AKT3: variants seen among roughly 807,000 people sequenced by gnomAD.
AKT3 encodes RAC-gamma serine/threonine-protein kinase.
A neutral mutation model predicts 65.3 loss-of-function variants in AKT3; 15 were observed. The observed-to-expected ratio is 0.23, with a 90% CI of 0.15 to 0.35. AKT3 has a LOEUF of 0.35. AKT3 is among the 10% of genes least tolerant of loss of function. AKT3 has a pLI of 1.00. For missense variants in AKT3, 243 were observed against 576.5 expected, an observed-to-expected ratio of 0.42 and a Z score of 5.92; for synonymous variants, 206 against 183.8, an observed-to-expected ratio of 1.12 and a Z score of -0.98.
At chr1:243,625,922 C>G (rs963401596) in intron 6 of AKT3, among the ~76,000 whole-genome samples, 1 of 152,140 alleles carries the variant, frequency 6.6e-6, no homozygotes, top group Non-Finnish European at 1.5e-5. Flanking sequence ...GTAAAAGCCA[C>G]TGTAAAATTT....
At chr1:243,818,602 CTT>C (rs1156686186) in intron 2 of AKT3, among the ~76,000 whole-genome samples, 8 of 152,064 alleles carry the variant, frequency 5.3e-5, no homozygotes, top group African/African-American at 1.7e-4. Flanking sequence ...GGTAAGAAAA[CTT>C]AACATAAAGT....
intron 4 of AKT3, among the ~76,000 whole-genome samples, chr1:243,662,000 A>T (rs1160366510): frequency 2.7e-5 from 4 of 146,706 alleles, no homozygotes; most frequent in Admixed American, 1.4e-4. Context: ...TCAAAACCAC[A>T]ATGAGATACC....
At chr1:243,591,231 C>A (rs1166625269) in intron 8 of AKT3, among the ~76,000 whole-genome samples, 1 of 152,126 alleles carries the variant, frequency 6.6e-6, no homozygotes, top group Non-Finnish European at 1.5e-5. Flanking sequence ...GAAACAATCA[C>A]CAGGCTAACA....
upstream of AKT3, among the ~76,000 whole-genome samples, chr1:243,850,552 G>GC (rs1170887026): frequency 7.7e-5 from 11 of 143,596 alleles, no homozygotes; most frequent in East Asian, 1.2e-3. Flanking sequence ...CCGCCTCCCC[G>GC]CCCCCTCCTT....
downstream of AKT3, among the ~76,000 whole-genome samples, chr1:243,498,506 G>GC (rs1284382609): frequency 3.3e-5 from 5 of 152,178 alleles, no homozygotes; most frequent in East Asian, 1.9e-4. Context: ...CTGAGGCCAG[G>GC]CCCCCCACCT....
intron 9 of AKT3, among the ~76,000 whole-genome samples, chr1:243,566,972 T>C (rs139741530): frequency 6.6e-6 from 1 of 152,260 alleles, no homozygotes; most frequent in Non-Finnish European, 1.5e-5. Context: ...CAATATGCAA[T>C]AATTTATTTT....
At chr1:243,645,679 C>A (rs1281404015) in intron 5 of AKT3, among the ~76,000 whole-genome samples, 1 of 152,222 alleles carries the variant, frequency 6.6e-6, no homozygotes, top group Non-Finnish European at 1.5e-5. Flanking sequence ...TGAGCCCTAT[C>A]AGCATTCAGT....
intron 5 of AKT3, among the ~76,000 whole-genome samples, chr1:243,644,892 C>T (rs907950929): frequency 4.6e-5 from 7 of 151,802 alleles, no homozygotes; most frequent in Admixed American, 3.3e-4. Context: ...ATTAAATTGA[C>T]GTAAAAGAAA....
At chr1:243,849,724 C>A (rs1040685732) in intron 1 of AKT3, among the ~76,000 whole-genome samples, 1 of 151,478 alleles carries the variant, frequency 6.6e-6, no homozygotes, top group Non-Finnish European at 1.5e-5. Context: ...CAGACACAGA[C>A]GGTACCGCTA....
In AKT3 at chr1:243,500,562, A is replaced by G. The variant is rs1669181865; in HGVS notation, c.*4687T>C. On this transcript the variant is annotated 3_prime_UTR_variant, in exon 14 of 14. Coordinates refer to ENST00000673466, the MANE Select transcript of AKT3 (RefSeq NM_005465.7). ...ACACAATTAAGCCCTCAAATGCTTTAAAGTAATAAAAACGGACACTGGACA... is the reference window on the plus strand; with the variant it reads ...ACACAATTAAGCCCTCAAATGCTTTGAAGTAATAAAAACGGACACTGGACA... 4.4e-6 allele frequency: 1 copy of G among 228,012 alleles called. No individual in the cohort carries two copies. Among genetic ancestry groups the G allele is most frequent in the Non-Finnish European group, 8.7e-6 (1 of 114,872 alleles). 14.1% of individuals were successfully genotyped at this position (228,012 alleles called of 1,614,324 possible). A position where few individuals can be genotyped will look rare whatever the true frequency, so the allele number is the denominator to read the frequency against.
chr1:243,517,878 A>G lies in AKT3; in HGVS notation c.1252-5452T>C, dbSNP rs140373965. ...CTCCTCTGGAACTTTGTGTTGCACTAATGTGATATTCCCAACTCCTAAAAC... is the reference window on the plus strand; with the variant it reads ...CTCCTCTGGAACTTTGTGTTGCACTGATGTGATATTCCCAACTCCTAAAAC... On this transcript the variant is annotated intron_variant, in intron 12 of 13. Transcript: ENST00000673466. Among the ~76,000 whole-genome samples, 533 of 152,328 alleles carry G rather than the reference A, an allele frequency of 3.5e-3. 1 individual carries two copies. The highest frequency in any genetic ancestry group is 0.012 in the African/African-American group (515 of 41,574).
intron 2 of AKT3, among the ~76,000 whole-genome samples, chr1:243,697,606 T>C (rs1319558748): frequency 2.6e-5 from 4 of 152,116 alleles, no homozygotes; most frequent in East Asian, 1.9e-4. Context: ...TATAACATTA[T>C]GCATTGGTCA....
intron 2 of AKT3, among the ~76,000 whole-genome samples, chr1:243,745,822 G>C (rs957604643): frequency 1.3e-5 from 2 of 152,254 alleles, no homozygotes; most frequent in African/African-American, 4.8e-5. Context: ...TAGGAATGGA[G>C]GTTTTATTAT....
At chr1:243,740,350 T>C (rs946548831) in intron 2 of AKT3, among the ~76,000 whole-genome samples, 2 of 152,144 alleles carry the variant, frequency 1.3e-5, no homozygotes, top group Non-Finnish European at 2.9e-5. Flanking sequence ...GAGAGCTCAT[T>C]AGTATTATTT....
At chr1:243,842,917 C>A (rs1474526571) in intron 2 of AKT3, among the ~76,000 whole-genome samples, 1 of 152,082 alleles carries the variant, frequency 6.6e-6, no homozygotes. Flanking sequence ...CCTAACTTAA[C>A]TAGATTATAA....
At chr1:243,843,801 G>A (rs1365654624) in intron 1 of AKT3, among the ~76,000 whole-genome samples, 7 of 151,552 alleles carry the variant, frequency 4.6e-5, no homozygotes, top group Non-Finnish European at 7.4e-5. Context: ...ACAGGTGTGC[G>A]CCACCACGCC....
intron 2 of AKT3, among the ~76,000 whole-genome samples, chr1:243,825,069 G>A (rs1221562573): frequency 1.3e-5 from 2 of 152,176 alleles, no homozygotes; most frequent in Admixed American, 6.5e-5. Flanking sequence ...ATACTATATA[G>A]CCATAAAAAG....
At chr1:243,834,558 G>A (rs552386926) in intron 2 of AKT3, among the ~76,000 whole-genome samples, 6 of 152,242 alleles carry the variant, frequency 3.9e-5, no homozygotes, top group Non-Finnish European at 7.4e-5. Context: ...ACTTTAGAGA[G>A]TATACACTGA....
chr1:243,552,649 A>T, intron 11 of AKT3, 80 bp downstream of exon 11: 1 of 1,264,136 alleles, frequency 7.9e-7, no homozygotes, highest in Non-Finnish European at 1.1e-6. Context: ...TCTTGGAGTT[A>T]GTTATATTTG....
Sources: allele counts gnomAD v4.1 joint callset (sites outside exome capture counted in the v4.1 genomes callset), GRCh38; gene constraint gnomAD v4.1.1; transcripts MANE v1.5; gene names NCBI Gene and HGNC (gene_info 2026-07-23, HGNC 2026-07-21).